The following POF1B variants were observed in gnomAD, a reference collection of about 807,000 sequenced individuals.
POF1B encodes the protein POF1B actin binding protein, also known as protein POF1B.
In POF1B, 53 loss-of-function variants were observed where a neutral mutation model predicts 55.3. The observed-to-expected ratio is 0.96, with a 90% CI of 0.77 to 1.20. The LOEUF (loss-of-function observed/expected upper bound fraction) is 1.20. POF1B is among the 50% of genes most tolerant of loss of function. POF1B has a pLI of 0.00. For missense variants in POF1B, 478 were observed against 420.5 expected, an observed-to-expected ratio of 1.14 and a Z score of -1.20; for synonymous variants, 188 against 148.3, an observed-to-expected ratio of 1.27 and a Z score of -1.95.
chrX:85,340,184 G>A (rs1247813332), intron 6 of POF1B, among the ~76,000 whole-genome samples: 1 of 111,072 alleles, frequency 9.0e-6, no homozygotes, highest in Non-Finnish European at 1.9e-5. Context: ...AATGGTGGGA[G>A]TCCAGAAAGA....
chrX:85,339,886 C>T (rs1293674268), intron 6 of POF1B, among the ~76,000 whole-genome samples: 2 of 110,942 alleles, frequency 1.8e-5, no homozygotes, highest in Admixed American at 1.9e-4. Context: ...ATGTGGTGAA[C>T]CAAAATCGTG....
At chrX:85,335,312 G>A (rs748661677) in intron 6 of POF1B, among the ~76,000 whole-genome samples, 51 of 111,323 alleles carry the variant, frequency 4.6e-4, no homozygotes, top group Non-Finnish European at 4.4e-4. Flanking sequence ...ATTAGTAAAA[G>A]GTTATAACGT....
intron 3 of POF1B, 149 bp downstream of exon 3, chrX:85,367,543 T>C (rs1933745775): frequency 2.4e-6 from 1 of 419,068 alleles, no homozygotes; most frequent in African/African-American, 2.6e-5. Context: ...GTGATACTCA[T>C]ATGTGAGAAT....
chrX:85,294,731 AGAATGAGTTAAG>A (rs1359922582), intron 15 of POF1B, among the ~76,000 whole-genome samples: 1 of 111,772 alleles, frequency 8.9e-6, no homozygotes, highest in Admixed American at 9.5e-5. Context: ...CTGGCTTCAT[AGAATGAGTTAAG>A]GAGGACTCCT....
Position 85,279,153 on chromosome X carries a change from A to C in POF1B, c.*268T>G, listed in dbSNP as rs12007581. ...ATGAGTTATGTTCTACAGTGTCTGC[A>C]ATCAAACTTTAAACAATCAGGTCCC... is the stretch of plus-strand genomic sequence containing the variant. On this transcript the variant is annotated 3_prime_UTR_variant, in exon 17 of 17. Coordinates refer to ENST00000262753, the MANE Select transcript of POF1B (RefSeq NM_024921.4). 12,447 of 276,972 alleles carry C rather than the reference A, an allele frequency of 0.045. 1,064 individuals are homozygous for C. The highest frequency in any genetic ancestry group is 0.27 in the African/African-American group (9,696 of 36,161). The allele number at this position is 276,972 out of a possible 1,213,427, so 22.8% of individuals were successfully genotyped here. A position where few individuals can be genotyped will look rare whatever the true frequency, so the allele number is the denominator to read the frequency against.
rs1932504919 is a variant in POF1B, at chrX:85,303,460, T to C, written c.1595A>G (p.Tyr532Cys). 1.7e-6 allele frequency: 2 copies of C among 1,192,543 alleles called. No individual in the cohort carries two copies. The highest frequency in any genetic ancestry group is 2.3e-6 in the Non-Finnish European group (2 of 881,023). Residue 532 changes from tyrosine to cysteine, a missense_variant, in exon 15 of 17, where the codon TAT becomes TGT. Coordinates refer to ENST00000262753, the MANE Select transcript of POF1B (RefSeq NM_024921.4). ...AGTGGAGGGTTGGTTATGAGAGGAATATATTTCTTGCCGCAACTTGGAGAG... is the reference window on the plus strand; with the variant it reads ...AGTGGAGGGTTGGTTATGAGAGGAACATATTTCTTGCCGCAACTTGGAGAG... ...EELSKLRQEI[Y>C]SSHNQPSTGG...
At chrX:85,321,890 T>C (rs1187305210) in intron 7 of POF1B, among the ~76,000 whole-genome samples, 1 of 109,442 alleles carries the variant, frequency 9.1e-6, no homozygotes, top group Non-Finnish European at 1.9e-5. Flanking sequence ...TTACAAGGGA[T>C]GTGAAGGACC....
intron 6 of POF1B, among the ~76,000 whole-genome samples, chrX:85,332,284 T>C (rs1282780900): frequency 1.8e-5 from 2 of 111,482 alleles, no homozygotes; most frequent in Non-Finnish European, 3.8e-5. Flanking sequence ...CAATCTCACA[T>C]GGGAAAGAGT....
At chrX:85,311,126 T>C (rs1932686808) in intron 9 of POF1B, among the ~76,000 whole-genome samples, 1 of 111,229 alleles carries the variant, frequency 9.0e-6, no homozygotes, top group Non-Finnish European at 1.9e-5. Context: ...AAGAAAGAAT[T>C]TGGAATATTA....
At chrX:85,299,676 T>A (rs1246096018) in intron 15 of POF1B, among the ~76,000 whole-genome samples, 1 of 102,333 alleles carries the variant, frequency 9.8e-6, no homozygotes, top group African/African-American at 3.7e-5. Context: ...GGCTAATTTT[T>A]TTTTTGTATT....
Position 85,300,988 on chromosome X carries a change from C to T in POF1B, c.1649+2418G>A, listed in dbSNP as rs148813807. Among the ~76,000 whole-genome samples the T allele has an allele frequency of 7.9e-3, 884 of 111,379 alleles. 7 individuals are homozygous for T. The highest frequency in any genetic ancestry group is 0.028 in the African/African-American group (849 of 30,676). On this transcript the variant is annotated intron_variant, in intron 15 of 16. Transcript: ENST00000262753. ...CGTTGAGTTTATCTATTCTGAGGAACAGAAAGAAAAAAGAATGAAGAAAAA... is the reference window on the plus strand; with the variant it reads ...CGTTGAGTTTATCTATTCTGAGGAATAGAAAGAAAAAAGAATGAAGAAAAA...
At chrX:85,299,797 C>T (rs1381701443) in intron 15 of POF1B, among the ~76,000 whole-genome samples, 4 of 112,190 alleles carry the variant, frequency 3.6e-5, no homozygotes, top group Non-Finnish European at 5.6e-5. Context: ...CGTGAGCCAC[C>T]GCGCCCGACC....
chrX:85,374,745 A>G (rs1237072613), intron 2 of POF1B, among the ~76,000 whole-genome samples: 1 of 112,048 alleles, frequency 8.9e-6, no homozygotes, highest in Non-Finnish European at 1.9e-5. Flanking sequence ...GAATTTGCCA[A>G]GGCAAACCTC....
chrX:85,335,287 A>C (rs1309831855), intron 6 of POF1B, among the ~76,000 whole-genome samples: 1 of 111,712 alleles, frequency 9.0e-6, no homozygotes, highest in African/African-American at 3.2e-5. Flanking sequence ...CTGCATGGCA[A>C]TGGAAAACCT....
intron 10 of POF1B, 96 bp downstream of exon 10, chrX:85,308,028 A>G: frequency 4.4e-6 from 2 of 450,952 alleles, no homozygotes; most frequent in South Asian, 1.0e-4. Context: ...ATATTGTGCT[A>G]TATTAAATTT....
chrX:85,353,202 G>C (rs1372360752), intron 4 of POF1B, among the ~76,000 whole-genome samples: 1 of 110,607 alleles, frequency 9.0e-6, no homozygotes, highest in Non-Finnish European at 1.9e-5. Flanking sequence ...TGAAGAAAAT[G>C]GTATTCCAAG....
At chrX:85,283,513 A>G (rs901400178) in intron 15 of POF1B, among the ~76,000 whole-genome samples, 4 of 111,384 alleles carry the variant, frequency 3.6e-5, no homozygotes, top group Non-Finnish European at 7.6e-5. Flanking sequence ...TAAATAATTT[A>G]AAATAAAACA....
chrX:85,288,529 T>C (rs1158123618), intron 15 of POF1B, among the ~76,000 whole-genome samples: 1 of 111,298 alleles, frequency 9.0e-6, no homozygotes, highest in Non-Finnish European at 1.9e-5. Context: ...GGCACAGGGA[T>C]TCTTCCCAGG....
At chrX:85,312,878 A>C (rs762573808) in intron 9 of POF1B, among the ~76,000 whole-genome samples, 1 of 111,356 alleles carries the variant, frequency 9.0e-6, no homozygotes, top group South Asian at 3.8e-4. Flanking sequence ...CTCTCCTTGA[A>C]GAAGTCCTTC....
Sources: gnomAD v4.1 joint callset for allele counts (sites outside exome capture counted in the v4.1 genomes callset) on GRCh38, gnomAD v4.1.1 for gene constraint, MANE v1.5 for transcripts, NCBI Gene and HGNC (gene_info 2026-07-23, HGNC 2026-07-21) for gene names.